Variants in ADAMTSL1 observed in about 807,000 individuals in gnomAD.
ADAMTSL1 encodes ADAMTS like 1.
A neutral mutation model predicts 201.8 loss-of-function variants in ADAMTSL1; 126 were observed. That is an observed-to-expected ratio of 0.62 (90% confidence interval 0.54 to 0.72). The LOEUF (loss-of-function observed/expected upper bound fraction) is 0.72, where lower values mean the gene tolerates loss of function less well. Ranked by LOEUF, ADAMTSL1 falls within the 30% of genes least tolerant of loss-of-function variation. The probability of loss-of-function intolerance (pLI) is 0.00; values close to 1 mark genes in which losing one functional copy is unlikely to be tolerated. For missense variants in ADAMTSL1, 2,679 were observed against 2,277.8 expected, an observed-to-expected ratio of 1.18 and a Z score of -3.59; for synonymous variants, 1,121 against 903.4, an observed-to-expected ratio of 1.24 and a Z score of -4.32.
rs55717414 is a variant in ADAMTSL1, at chr9:18,756,076, AATATATATATATATATATATATAT to A, written c.2217+2592_2217+2615del. Among the ~76,000 whole-genome samples the A allele has an allele frequency of 2.6e-3, 206 of 80,716 alleles. 3 individuals carry two copies. Among genetic ancestry groups the A allele is most frequent in the African/African-American group, 7.6e-3 (177 of 23,416 alleles). The allele number at this position is 80,716 out of a possible 152,430, so 53.0% of individuals were successfully genotyped here. Reference sequence around the variant, plus strand: ...ATGGTGAAACCCTGTCTCTACTGAAAATATATATATATATATATATATATATATATATATATATATATATATACA... The same window carrying A: ...ATGGTGAAACCCTGTCTCTACTGAAAATATATATATATATATATATATACA... On this transcript the variant is annotated intron_variant, in intron 16 of 28. Transcript: ENST00000380548.
Position 18,657,634 on chromosome 9 carries a change from T to G in ADAMTSL1, c.835-5T>G, listed in dbSNP as rs746356399. On this transcript the variant is annotated splice_polypyrimidine_tract_variant and splice_region_variant and intron_variant, in intron 7 of 28. Transcript: ENST00000380548. The stretch of plus-strand genomic sequence containing the variant: ...TTACTTCTACTTTCCTGTTGACTCC[T>G]GCAGATTCGTAACTCGGGCTCCGCT... 6.2e-7 allele frequency: 1 copy of G among 1,611,608 alleles called. No individual in the cohort carries two copies. The highest frequency in any genetic ancestry group is 8.5e-7 in the Non-Finnish European group (1 of 1,177,712).
chr9:18,177,091 C>T (rs1455197478), intron 2 of ADAMTSL1, among the ~76,000 whole-genome samples: 1 of 152,180 alleles, frequency 6.6e-6, no homozygotes, highest in Non-Finnish European at 1.5e-5. Context: ...TAGATGGCTT[C>T]CTGACTCCAT....
intron 23 of ADAMTSL1, among the ~76,000 whole-genome samples, chr9:18,843,682 T>C (rs1408781751): frequency 4.0e-5 from 6 of 150,826 alleles, no homozygotes; most frequent in African/African-American, 1.5e-4. Context: ...CAATCAGACG[T>C]AGATGTGGTC....
chr9:18,481,243 A>G (rs1312363825), intron 1 of ADAMTSL1, among the ~76,000 whole-genome samples: 2 of 152,202 alleles, frequency 1.3e-5, no homozygotes, highest in East Asian at 1.9e-4. Context: ...TCTGAGTGCC[A>G]TGAAAGAACA....
At chr9:18,649,920 G>T (rs899598453) in intron 7 of ADAMTSL1, among the ~76,000 whole-genome samples, 2 of 152,164 alleles carry the variant, frequency 1.3e-5, no homozygotes, top group African/African-American at 4.8e-5. Flanking sequence ...TCTCTTCAAA[G>T]CTGTCAGACA....
At chr9:18,273,608 T>A (rs1563850305) in intron 2 of ADAMTSL1, among the ~76,000 whole-genome samples, 1 of 152,228 alleles carries the variant, frequency 6.6e-6, no homozygotes. Context: ...ACAAATTTAG[T>A]CCTCGGCATC....
At chr9:18,107,570 T>C (rs1824814511) in intron 1 of ADAMTSL1, among the ~76,000 whole-genome samples, 3 of 152,126 alleles carry the variant, frequency 2.0e-5, no homozygotes, top group African/African-American at 7.2e-5. Context: ...TTTATAGCCA[T>C]GCTCTGGGAC....
At chr9:18,168,390 C>T (rs565198449) in intron 2 of ADAMTSL1, among the ~76,000 whole-genome samples, 31 of 152,122 alleles carry the variant, frequency 2.0e-4, no homozygotes, top group Admixed American at 7.9e-4. Context: ...GTTTTTTGTC[C>T]TTGTGATAGT....
intron 7 of ADAMTSL1, among the ~76,000 whole-genome samples, chr9:18,642,179 A>T (rs1357961035): frequency 6.6e-6 from 1 of 152,016 alleles, no homozygotes; most frequent in Non-Finnish European, 1.5e-5. Context: ...CTTCACAGAG[A>T]GCTATCCAAC....
intron 2 of ADAMTSL1, among the ~76,000 whole-genome samples, chr9:18,386,523 T>C (rs767682330): frequency 2.1e-4 from 32 of 152,324 alleles, no homozygotes; most frequent in Non-Finnish European, 2.5e-4. Context: ...ATTTTGAGAA[T>C]TTCTTTATTT....
At chr9:18,259,066 G>A (rs1273025636) in intron 2 of ADAMTSL1, among the ~76,000 whole-genome samples, 3 of 152,014 alleles carry the variant, frequency 2.0e-5, no homozygotes, top group Non-Finnish European at 4.4e-5. Context: ...CTTCACTGTT[G>A]GCTTCTGTTT....
At chr9:18,825,343 C>G (rs1008582504) in intron 21 of ADAMTSL1, among the ~76,000 whole-genome samples, 1 of 152,172 alleles carries the variant, frequency 6.6e-6, no homozygotes, top group African/African-American at 2.4e-5. Context: ...ATCTCCCCAT[C>G]CCATCTCTCT....
intron 1 of ADAMTSL1, among the ~76,000 whole-genome samples, chr9:17,997,149 G>A (rs199977235): frequency 1.7e-4 from 26 of 152,070 alleles, no homozygotes; most frequent in Non-Finnish European, 2.9e-4. Context: ...CTCTATCCCA[G>A]TTTGGAGCCT....
At chr9:18,340,214 T>C (rs767217611) in intron 2 of ADAMTSL1, among the ~76,000 whole-genome samples, 4 of 152,186 alleles carry the variant, frequency 2.6e-5, no homozygotes, top group Non-Finnish European at 5.9e-5. Flanking sequence ...GCAGGTATCT[T>C]TTTCTTCACC....
At chr9:18,139,130 T>A (rs1826285864) in intron 1 of ADAMTSL1, among the ~76,000 whole-genome samples, 1 of 152,188 alleles carries the variant, frequency 6.6e-6, no homozygotes, top group Admixed American at 6.5e-5. Flanking sequence ...ACTGATTGAC[T>A]GATTGATTCA....
chr9:17,939,718 T>TA (rs1474390129), intron 1 of ADAMTSL1, among the ~76,000 whole-genome samples: 3 of 152,178 alleles, frequency 2.0e-5, no homozygotes, highest in Non-Finnish European at 4.4e-5. Context: ...ACACACATTG[T>TA]ACTCCCATAC....
At chr9:18,820,355 C>T (rs566841908) in intron 21 of ADAMTSL1, among the ~76,000 whole-genome samples, 7 of 152,006 alleles carry the variant, frequency 4.6e-5, no homozygotes, top group Non-Finnish European at 5.9e-5. Context: ...TATGTAGATA[C>T]GGTTGTTGTT....
chr9:18,833,220 T>C (rs577358884), intron 23 of ADAMTSL1, among the ~76,000 whole-genome samples: 54 of 152,328 alleles, frequency 3.5e-4, no homozygotes, highest in Non-Finnish European at 3.8e-4. Context: ...GGCTTAGACA[T>C]AGAAATGCCC....
Position 18,753,373 on chromosome 9 carries a change from C to T in ADAMTSL1, c.2082C>T (p.Ser694=), listed in dbSNP as rs1819569043. ...TACAGACCAGAGACGTCTTCTGCAG[C>T]CACCTGCTTTCCAGAGAGATGAATG... The part of the protein sequence containing the change: ...VGLQTRDVFC[S]HLLSREMNET... The change falls in exon 16 of 29, where the codon AGC becomes AGT. Residue 694 remains serine, a synonymous_variant. Transcript: ENST00000380548. 2 of 1,612,326 alleles carry T rather than the reference C, an allele frequency of 1.2e-6. No homozygotes were observed. The highest frequency in any genetic ancestry group is 2.7e-5 in the African/African-American group (2 of 74,918).
Sources: gnomAD v4.1 joint callset for allele counts (sites outside exome capture counted in the v4.1 genomes callset) on GRCh38, gnomAD v4.1.1 for gene constraint, MANE v1.5 for transcripts, NCBI Gene and HGNC (gene_info 2026-07-23, HGNC 2026-07-21) for gene names.